ANK3: variants seen among roughly 807,000 people sequenced by gnomAD.
ANK3 encodes the protein ankyrin-3.
In ANK3, 57 loss-of-function variants were observed where a neutral mutation model predicts 370.9. The ratio of observed to expected loss-of-function variants is 0.15; its 90% CI spans 0.12 to 0.19. The LOEUF (loss-of-function observed/expected upper bound fraction) is 0.19. Among genes scored for constraint, ANK3 ranks in the 10% least tolerant of loss-of-function variants. The pLI, the probability that ANK3 is intolerant of heterozygous loss-of-function variation, is 1.00. For synonymous variants in ANK3, 1,929 were observed against 1,946.3 expected (o/e 0.99, Z 0.23); for missense variants, 4,439 against 5,302.1 (o/e 0.84, Z 5.06).
chr10:60,178,766 A>T (rs374257526), intron 18 of ANK3, among the ~76,000 whole-genome samples: 1 of 152,214 alleles, frequency 6.6e-6, no homozygotes, highest in Non-Finnish European at 1.5e-5. Context: ...CTAAGAATCA[A>T]TGCCTTTCAG....
intron 1 of ANK3, among the ~76,000 whole-genome samples, chr10:60,285,793 T>C (rs905948394): frequency 3.7e-4 from 57 of 152,278 alleles, no homozygotes; most frequent in Middle Eastern, 3.4e-3. Context: ...AGATATATAA[T>C]GCATCTGCCT....
At chr10:60,425,039 T>C (rs2063853121) in intron 2 of ANK3, among the ~76,000 whole-genome samples, 1 of 151,888 alleles carries the variant, frequency 6.6e-6, no homozygotes, top group Non-Finnish European at 1.5e-5. Flanking sequence ...AGCAAAGATA[T>C]GAAAAGGTGA....
intron 1 of ANK3, among the ~76,000 whole-genome samples, chr10:60,336,365 C>A (rs1444601415): frequency 2.6e-5 from 4 of 152,056 alleles, no homozygotes; most frequent in African/African-American, 9.7e-5. Context: ...ATAACGTACC[C>A]CTCAATTCAG....
At chr10:60,164,984 T>C (rs1482414884) in intron 23 of ANK3, among the ~76,000 whole-genome samples, 2 of 152,220 alleles carry the variant, frequency 1.3e-5, no homozygotes, top group Non-Finnish European at 2.9e-5. Flanking sequence ...AACACATTTC[T>C]AGTTAAGTAA....
intron 38 of ANK3, among the ~76,000 whole-genome samples, chr10:60,064,555 C>T (rs1168008592): frequency 6.6e-6 from 1 of 152,056 alleles, no homozygotes; most frequent in African/African-American, 2.4e-5. Flanking sequence ...AGGCTGGGCA[C>T]AGTGGCCCAT....
chr10:60,093,075 A>G (rs2089061593), intron 28 of ANK3, among the ~76,000 whole-genome samples: 2 of 152,348 alleles, frequency 1.3e-5, no homozygotes, highest in East Asian at 3.9e-4. Flanking sequence ...GAAAAATAGG[A>G]AAGAATCAAA....
chr10:60,208,960 A>C (rs1329427926), intron 9 of ANK3, among the ~76,000 whole-genome samples: 1 of 152,248 alleles, frequency 6.6e-6, no homozygotes, highest in African/African-American at 2.4e-5. Flanking sequence ...GGGTTCAATA[A>C]CACAGTTAAT....
At chr10:60,684,337 G>A (rs1335990693) in intron 1 of ANK3, among the ~76,000 whole-genome samples, 6 of 152,186 alleles carry the variant, frequency 3.9e-5, no homozygotes, top group African/African-American at 1.4e-4. Flanking sequence ...TGCCTCCCTG[G>A]TGCCAGCGAA....
rs2097302215 is a variant in ANK3 at position 60,234,697 on chromosome 10, G to A, written c.888C>T (p.Ala296=). 6.2e-7 allele frequency: 1 copy of A among 1,610,228 alleles called. No individual in the cohort carries two copies. Among genetic ancestry groups the A allele is most frequent in the African/African-American group, 1.3e-5 (1 of 74,824 alleles). ...LLLDRGAKID[A]KTRDGLTPLH... ...TAAGTTGCACACTTACCCTGGTTTTGGCATCGATTTTAGCTCCTCGATCGA... is the reference window on the plus strand; with the variant it reads ...TAAGTTGCACACTTACCCTGGTTTTAGCATCGATTTTAGCTCCTCGATCGA... Residue 296 remains alanine (A), a synonymous_variant, in exon 8 of 44, where the codon GCC becomes GCT. Coordinates refer to ENST00000280772, the MANE Select transcript of ANK3 (RefSeq NM_020987.5).
intron 23 of ANK3, among the ~76,000 whole-genome samples, chr10:60,156,915 C>T (rs2095346810): frequency 6.6e-6 from 1 of 152,094 alleles, no homozygotes; most frequent in Admixed American, 6.5e-5. Flanking sequence ...CAAGGACATC[C>T]AAGAAAACAT....
At chr10:60,472,120 G>T (rs1452610762) in intron 2 of ANK3, among the ~76,000 whole-genome samples, 1 of 152,110 alleles carries the variant, frequency 6.6e-6, no homozygotes, top group Admixed American at 6.6e-5. Flanking sequence ...CAAATGTCAA[G>T]TAAGACTTGG....
chr10:60,373,546 G>T (rs1401702347), intron 1 of ANK3, among the ~76,000 whole-genome samples: 2 of 152,160 alleles, frequency 1.3e-5, no homozygotes, highest in African/African-American at 4.8e-5. Flanking sequence ...AAACAGTCAG[G>T]AGATGGTAGG....
chr10:60,557,922 G>A (rs763814211), intron 2 of ANK3, among the ~76,000 whole-genome samples: 5 of 152,066 alleles, frequency 3.3e-5, no homozygotes, highest in Non-Finnish European at 5.9e-5. Flanking sequence ...ATTAGGAAAC[G>A]TTTCTTGTTT....
intron 1 of ANK3, among the ~76,000 whole-genome samples, chr10:60,365,975 A>T (rs2059333106): frequency 6.6e-6 from 1 of 152,168 alleles, no homozygotes; most frequent in Admixed American, 6.5e-5. Context: ...ACACACATTT[A>T]ATCTCTGTAA....
intron 21 of ANK3, among the ~76,000 whole-genome samples, chr10:60,168,472 T>G (rs1325353298): frequency 6.6e-6 from 1 of 152,238 alleles, no homozygotes; most frequent in Non-Finnish European, 1.5e-5. Context: ...TCGAGGATAC[T>G]GTATGACATT....
intron 2 of ANK3, among the ~76,000 whole-genome samples, chr10:60,479,929 G>T (rs2075168421): frequency 1.3e-5 from 2 of 152,176 alleles, no homozygotes; most frequent in Admixed American, 1.3e-4. Flanking sequence ...AAGGGGCTTG[G>T]TCTTGTTTAT....
intron 2 of ANK3, among the ~76,000 whole-genome samples, chr10:60,395,832 A>G (rs1419630593): frequency 1.3e-5 from 2 of 152,130 alleles, no homozygotes; most frequent in Admixed American, 1.3e-4. Flanking sequence ...GGCGAGAAAG[A>G]CAAGGACACC....
At chr10:60,362,438 A>T (rs1025027768) in intron 1 of ANK3, among the ~76,000 whole-genome samples, 1 of 152,324 alleles carries the variant, frequency 6.6e-6, no homozygotes, top group Admixed American at 6.5e-5. Context: ...GATTTATATC[A>T]TCAAGAGACT....
intron 2 of ANK3, among the ~76,000 whole-genome samples, chr10:60,418,119 A>T (rs2063706334): frequency 6.6e-6 from 1 of 152,100 alleles, no homozygotes; most frequent in Non-Finnish European, 1.5e-5. Flanking sequence ...CCTGAGATGG[A>T]CTATTGCAGC....
Sources: gnomAD v4.1 joint callset for allele counts (sites outside exome capture counted in the v4.1 genomes callset) on GRCh38, gnomAD v4.1.1 for gene constraint, MANE v1.5 for transcripts, NCBI Gene and HGNC (gene_info 2026-07-23, HGNC 2026-07-21) for gene names.